PCDHGA10: variants seen among roughly 807,000 people sequenced by gnomAD.
PCDHGA10 encodes protocadherin gamma subfamily A, 10.
PCDHGA10 carries 42 observed loss-of-function variants against 59.5 expected under a neutral mutation model. The observed-to-expected ratio is 0.71, with a 90% CI of 0.55 to 0.91. PCDHGA10 has a LOEUF of 0.91. PCDHGA10 is among the 40% of genes least tolerant of loss of function. The pLI is 0.00. For missense variants in PCDHGA10, 1,111 were observed against 1,198.2 expected (o/e 0.93, Z 1.07); for synonymous variants, 511 against 517.2 (o/e 0.99, Z 0.16).
chr5:141,423,562 A>C (rs374427537), intron 1 of PCDHGA10: 1 of 1,613,612 alleles, frequency 6.2e-7, no homozygotes, highest in African/African-American at 1.3e-5. Context: ...CTATGGGGAC[A>C]CGCTCATCAG....
At position 141,486,813 on chromosome 5, in the gene PCDHGA10, G is replaced by A; in HGVS notation, c.2437-7994G>A. On this transcript the variant is annotated intron_variant, in intron 1 of 3. Transcript: ENST00000398610. The surrounding 1 kb of genome is among the most constrained non-coding windows in gnomAD (Gnocchi z 5.0). ...GATCGGGGCAACCCACCCCTTAGCA[G>A]CACTGTAACAGTTCGTCTATTTGTG... The A allele has an allele frequency of 6.2e-7, 1 of 1,614,212 alleles. No individual in the cohort carries two copies.
Position 141,486,388 on chromosome 5 carries a change from C to T in PCDHGA10, c.2437-8419C>T, listed in dbSNP as rs2099628930. ...TCAAGTCTGCCTTCAGGAACCAGTT[C>T]TCCCTGGTGACTGCTGGACCCTTGG... On this transcript the variant is annotated intron_variant, in intron 1 of 3. Coordinates refer to ENST00000398610, the MANE Select transcript of PCDHGA10 (RefSeq NM_018913.3). This position sits in a 1 kb window ranked among gnomAD's most constrained non-coding sequence, Gnocchi z 5.0. 2 of 1,613,988 alleles carry T rather than the reference C, an allele frequency of 1.2e-6. No individual in the cohort carries two copies. The highest frequency in any genetic ancestry group is 2.7e-5 in the African/African-American group (2 of 74,924).
chr5:141,477,778 C>A lies in PCDHGA10; in HGVS notation c.2437-17029C>A. The stretch of plus-strand genomic sequence containing the variant: ...TCCTAGCCACCAACATCAGCGTGAA[C>A]ATATTTGTCACTGATCGCAATGACA... On this transcript the variant is annotated intron_variant, in intron 1 of 3. Coordinates refer to ENST00000398610, the MANE Select transcript of PCDHGA10 (RefSeq NM_018913.3). The surrounding 1 kb of genome is among the most constrained non-coding windows in gnomAD (Gnocchi z 4.9). The A allele has an allele frequency of 6.2e-7, 1 of 1,614,052 alleles. No individual in the cohort carries two copies. The highest frequency in any genetic ancestry group is 8.5e-7 in the Non-Finnish European group (1 of 1,180,040).
chr5:141,510,795 G>T (rs994874330), intron 3 of PCDHGA10, 152 bp from the exon 4 acceptor site: 6 of 1,465,214 alleles, frequency 4.1e-6, no homozygotes. Flanking sequence ...CTTGTGAAGA[G>T]AGACTACCTT....
chr5:141,431,215 CCCTCTACCCCACG>C lies in PCDHGA10; in HGVS notation c.2436+15608_2436+15620del. The C allele has an allele frequency of 6.2e-7, 1 of 1,614,184 alleles. No homozygotes were observed. Among genetic ancestry groups the C allele is most frequent in the Non-Finnish European group, 8.5e-7 (1 of 1,180,048 alleles). On this transcript the variant is annotated intron_variant, in intron 1 of 3. Transcript: ENST00000398610. The surrounding 1 kb of genome is among the most constrained non-coding windows in gnomAD (Gnocchi z 4.8). ...AAAATGCAGCCACTGAGATGCGGTT[CCCTCTACCCCACG>C]CCTGGGATCCGGATATCGGGAAGAA... is the stretch of plus-strand genomic sequence containing the variant.
intron 1 of PCDHGA10, chr5:141,492,027 A>T (rs1157170828): frequency 8.8e-6 from 5 of 565,466 alleles, no homozygotes; most frequent in African/African-American, 7.7e-5. Flanking sequence ...GGGTCCCGGG[A>T]GGAGGCAGTC....
intron 1 of PCDHGA10, chr5:141,441,868 C>A: frequency 3.0e-6 from 1 of 338,212 alleles, no homozygotes; most frequent in Non-Finnish European, 5.8e-6. Flanking sequence ...CGCCGCGGAG[C>A]CTGGCTACCT....
intron 1 of PCDHGA10, among the ~76,000 whole-genome samples, chr5:141,492,869 A>G (rs975868829): frequency 6.6e-6 from 1 of 152,010 alleles, no homozygotes; most frequent in African/African-American, 2.4e-5. Context: ...CTGGCTCTCA[A>G]CCCCCAGAGA....
Position 141,477,934 on chromosome 5 carries a change from C to T in PCDHGA10, c.2437-16873C>T. Reference sequence around the variant, plus strand: ...CGGATGCAGGGCACAATGCCTGGCTCTCCTACAGTCTCTTGGGATCCCCTA... The same window carrying T: ...CGGATGCAGGGCACAATGCCTGGCTTTCCTACAGTCTCTTGGGATCCCCTA... On this transcript the variant is annotated intron_variant, in intron 1 of 3. Coordinates refer to ENST00000398610, the MANE Select transcript of PCDHGA10 (RefSeq NM_018913.3). This position sits in a 1 kb window ranked among gnomAD's most constrained non-coding sequence, Gnocchi z 4.9. 3.1e-6 allele frequency: 5 copies of T among 1,614,204 alleles called. No individual in the cohort carries two copies. The highest frequency in any genetic ancestry group is 4.2e-6 in the Non-Finnish European group (5 of 1,180,036).
At chr5:141,448,331 A>T (rs2098582637) in intron 1 of PCDHGA10, among the ~76,000 whole-genome samples, 1 of 152,146 alleles carries the variant, frequency 6.6e-6, no homozygotes, top group Non-Finnish European at 1.5e-5. Flanking sequence ...GAATCTTTAT[A>T]GCCATGTACC....
Position 141,511,319 on chromosome 5 carries a change from C to A in PCDHGA10, c.*146C>A. On this transcript the variant is annotated 3_prime_UTR_variant, in exon 4 of 4. Coordinates refer to ENST00000398610, the MANE Select transcript of PCDHGA10 (RefSeq NM_018913.3). ...CCATGCTCCCCTTGGGAAACAGAAA[C>A]AAGTGCCCAGTCAGCACCTACCCCT... is the stretch of plus-strand genomic sequence containing the variant. 6.8e-7 allele frequency: 1 copy of A among 1,477,420 alleles called. No homozygotes were observed. The highest frequency in any genetic ancestry group is 9.0e-7 in the Non-Finnish European group (1 of 1,108,340). 91.5% of individuals were successfully genotyped at this position (1,477,420 alleles called of 1,614,324 possible).
At position 141,485,287 on chromosome 5, in the gene PCDHGA10, G is replaced by A. The variant is rs1396496143; in HGVS notation, c.2437-9520G>A. 5.0e-6 allele frequency: 8 copies of A among 1,614,064 alleles called. No individual in the cohort carries two copies. The highest frequency in any genetic ancestry group is 6.8e-6 in the Non-Finnish European group (8 of 1,180,002). On this transcript the variant is annotated intron_variant, in intron 1 of 3. Transcript: ENST00000398610. The surrounding 1 kb of genome is among the most constrained non-coding windows in gnomAD (Gnocchi z 5.7). ...AGATCCGCTACCCGGTCCCAGAGGA[G>A]TCACAGGAAGGGACTTTTGTAGGGA...
intron 1 of PCDHGA10, among the ~76,000 whole-genome samples, chr5:141,453,047 G>A (rs930795400): frequency 1.3e-5 from 2 of 152,172 alleles, no homozygotes; most frequent in African/African-American, 4.8e-5. Context: ...TTTCTATTAT[G>A]TGCAGTTTTA....
At chr5:141,426,013 T>C (rs2096909409) in intron 1 of PCDHGA10, among the ~76,000 whole-genome samples, 1 of 152,144 alleles carries the variant, frequency 6.6e-6, no homozygotes, top group Admixed American at 6.5e-5. Flanking sequence ...CCGGCTGCAG[T>C]TTTCTAAATA....
Position 141,432,026 on chromosome 5 carries a change from A to G in PCDHGA10, c.2436+16415A>G, listed in dbSNP as rs1591124077. On this transcript the variant is annotated intron_variant, in intron 1 of 3. Coordinates refer to ENST00000398610, the MANE Select transcript of PCDHGA10 (RefSeq NM_018913.3). The surrounding 1 kb of genome is among the most constrained non-coding windows in gnomAD (Gnocchi z 6.0). ...GGTTCCTAGCTACAACATCACAGTG[A>G]CCGCCACTGACCGGGGAACCCCGCC... The G allele has an allele frequency of 1.9e-6, 3 of 1,614,152 alleles. 1 individual carries two copies. Among genetic ancestry groups the G allele is most frequent in the Middle Eastern group, 3.3e-4 (2 of 6,062 alleles).
intron 1 of PCDHGA10, chr5:141,419,310 A>G: frequency 6.2e-7 from 1 of 1,613,948 alleles, no homozygotes; most frequent in Non-Finnish European, 8.5e-7. Flanking sequence ...TTCGGGCTCA[A>G]CGGCCGTGTC....
In PCDHGA10 at chr5:141,414,479, C is replaced by G. The variant is rs752879517; in HGVS notation, c.1304C>G (p.Pro435Arg). The G allele has an allele frequency of 3.1e-6, 5 of 1,613,906 alleles. No homozygotes were observed. The highest frequency in any genetic ancestry group is 1.3e-5 in the African/African-American group (1 of 75,040). Reference sequence around the variant, plus strand: ...ACAGCCACAGATGGGGGAAGTCCTCCTCTATCAACGGAAGCTCACTTTATG... The same window carrying G: ...ACAGCCACAGATGGGGGAAGTCCTCGTCTATCAACGGAAGCTCACTTTATG... ...TVTATDGGSP[P>R]LSTEAHFMLQ... Residue 435 changes from proline to arginine, a missense_variant, in exon 1 of 4, where the codon CCT becomes CGT. By Grantham distance (103) the Pro-to-Arg change is moderately radical. Coordinates refer to ENST00000398610, the MANE Select transcript of PCDHGA10 (RefSeq NM_018913.3).
chr5:141,422,276 T>G, intron 1 of PCDHGA10: 3 of 1,558,820 alleles, frequency 1.9e-6, no homozygotes, highest in South Asian at 1.3e-5. Context: ...GAAATAACTA[T>G]CACCTCTTCT....
chr5:141,500,520 T>A (rs2099801106), intron 2 of PCDHGA10, among the ~76,000 whole-genome samples: 1 of 152,194 alleles, frequency 6.6e-6, no homozygotes, highest in South Asian at 2.1e-4. Context: ...AGCTTCATTT[T>A]AAAAAAATCT....
Sources: allele counts gnomAD v4.1 joint callset (sites outside exome capture counted in the v4.1 genomes callset), GRCh38; gene constraint gnomAD v4.1.1; non-coding constraint Gnocchi (gnomAD v3.1); transcripts MANE v1.5; gene names NCBI Gene and HGNC (gene_info 2026-07-23, HGNC 2026-07-21).